KLHL6: variants seen among roughly 807,000 people sequenced by gnomAD.
KLHL6 encodes kelch like family member 6.
A neutral mutation model predicts 58.6 loss-of-function variants in KLHL6; 41 were observed. The observed-to-expected ratio is 0.70, with a 90% CI of 0.55 to 0.91. The LOEUF (loss-of-function observed/expected upper bound fraction) is 0.91, where lower values mean the gene tolerates loss of function less well. Ranked by LOEUF, KLHL6 falls within the 40% of genes least tolerant of loss-of-function variation. The pLI, the probability that KLHL6 is intolerant of heterozygous loss-of-function variation, is 0.00. For synonymous variants in KLHL6, 338 were observed against 322.7 expected, an observed-to-expected ratio of 1.05 and a Z score of -0.51; for missense variants, 714 against 805.6, an observed-to-expected ratio of 0.89 and a Z score of 1.38.
intron 1 of KLHL6, among the ~76,000 whole-genome samples, chr3:183,536,017 G>A (rs11920965): frequency 0.014 from 2,168 of 152,252 alleles, 33 homozygotes; most frequent in African/African-American, 0.05. Flanking sequence ...CTCATGATCT[G>A]CCCCCCTCGG....
At chr3:183,524,590 C>T (rs542291593) in intron 2 of KLHL6, among the ~76,000 whole-genome samples, 40 of 152,286 alleles carry the variant, frequency 2.6e-4, no homozygotes, top group African/African-American at 9.4e-4. Flanking sequence ...CAGCTCATGA[C>T]GTTGCCTGGC....
chr3:183,508,756 A>C (rs1718096297), intron 2 of KLHL6, among the ~76,000 whole-genome samples: 1 of 152,228 alleles, frequency 6.6e-6, no homozygotes, highest in Admixed American at 6.5e-5. Flanking sequence ...GGGAGGAGCT[A>C]AATACATATA....
intron 2 of KLHL6, among the ~76,000 whole-genome samples, chr3:183,524,903 C>A (rs1326098072): frequency 6.6e-6 from 1 of 152,208 alleles, no homozygotes; most frequent in Non-Finnish European, 1.5e-5. Flanking sequence ...CTACCTATAA[C>A]CCTGAGTTAA....
At chr3:183,524,778 C>T (rs1005943966) in intron 2 of KLHL6, among the ~76,000 whole-genome samples, 2 of 152,142 alleles carry the variant, frequency 1.3e-5, no homozygotes, top group African/African-American at 4.8e-5. Context: ...CTGGGTGGGG[C>T]GGGGAGCACT....
chr3:183,527,901 C>T lies in KLHL6; in HGVS notation c.403G>A (p.Ala135Thr). 1 of 1,614,064 alleles carries T rather than the reference C, an allele frequency of 6.2e-7. No homozygotes were observed. The highest frequency in any genetic ancestry group is 8.5e-7 in the Non-Finnish European group (1 of 1,179,992). Residue 135 changes from alanine to threonine, a missense_variant, in exon 2 of 7, where the codon GCG (alanine) becomes ACG (threonine). This residue lies in a region of KLHL6 where 204 missense variants were observed against 175.9 expected (regional missense o/e 1.16). Coordinates refer to ENST00000341319, the MANE Select transcript of KLHL6 (RefSeq NM_130446.4). ...TGGACATTCTGCTTGGTGATCAGCG[C>T]CTTGCTGGTGTACGTGTAGTCCAAC... ...TLLDYTYTSKALITKQNVQRV... is the reference protein window; with the variant it reads ...TLLDYTYTSKTLITKQNVQRV...
At position 183,494,013 on chromosome 3, in the gene KLHL6, A is replaced by C. The variant is rs1201765162; in HGVS notation, c.1350+66T>G. 33 of 1,465,710 alleles carry C rather than the reference A, an allele frequency of 2.3e-5. No individual in the cohort carries two copies. In the Admixed American group the frequency reaches 5.5e-4, roughly 25 times the overall value. The allele number at this position is 1,465,710 out of a possible 1,614,324, so 90.8% of individuals were successfully genotyped here. On this transcript the variant is annotated intron_variant, in intron 5 of 6. Coordinates refer to ENST00000341319, the MANE Select transcript of KLHL6 (RefSeq NM_130446.4). ...CTGACCACCACGGCAGGCACGTTCC[A>C]AAGCTTTTTAAAAAAGCACTGAAGT...
chr3:183,517,755 G>A (rs1343189424), intron 2 of KLHL6, among the ~76,000 whole-genome samples: 1 of 152,192 alleles, frequency 6.6e-6, no homozygotes, highest in Non-Finnish European at 1.5e-5. Flanking sequence ...ATATTCAAGG[G>A]GCAAGTGGCA....
At chr3:183,542,033 G>A (rs1356581125) in intron 1 of KLHL6, among the ~76,000 whole-genome samples, 1 of 152,026 alleles carries the variant, frequency 6.6e-6, no homozygotes. Flanking sequence ...GGGCAGCGCT[G>A]CCTCTCCCTC....
intron 1 of KLHL6, among the ~76,000 whole-genome samples, chr3:183,540,904 G>A (rs1712530170): frequency 6.6e-6 from 1 of 152,172 alleles, no homozygotes; most frequent in Non-Finnish European, 1.5e-5. Context: ...CTCTGGGCCT[G>A]GAGCAGGGTC....
chr3:183,525,269 A>AACACACACACACACAC (rs1553811030), intron 2 of KLHL6, among the ~76,000 whole-genome samples: 2 of 133,792 alleles, frequency 1.5e-5, no homozygotes, highest in African/African-American at 5.5e-5. Context: ...CTAAAAAAAA[A>AACACACACACACACAC]ACACACACAC....
At chr3:183,534,513 C>A (rs1712294599) in intron 1 of KLHL6, among the ~76,000 whole-genome samples, 1 of 152,078 alleles carries the variant, frequency 6.6e-6, no homozygotes, top group Admixed American at 6.5e-5. Context: ...AAGTGATCCT[C>A]CTGTCTCAGC....
At chr3:183,527,419 A>G (rs1191446942) in intron 2 of KLHL6, among the ~76,000 whole-genome samples, 2 of 152,184 alleles carry the variant, frequency 1.3e-5, no homozygotes, top group Non-Finnish European at 2.9e-5. Context: ...AGCCACCCAA[A>G]ACTGAAAGGA....
chr3:183,519,359 C>T (rs960897986), intron 2 of KLHL6, among the ~76,000 whole-genome samples: 9 of 152,158 alleles, frequency 5.9e-5, no homozygotes, highest in South Asian at 2.1e-4. Flanking sequence ...CAGAGAGAGA[C>T]TGATGGGAAC....
intron 1 of KLHL6, among the ~76,000 whole-genome samples, chr3:183,539,994 T>C (rs1413244693): frequency 3.3e-5 from 5 of 152,222 alleles, no homozygotes; most frequent in Non-Finnish European, 7.3e-5. Flanking sequence ...TTAGTGACGA[T>C]ACAGTCACAA....
chr3:183,534,104 T>C (rs1470812770), intron 1 of KLHL6, among the ~76,000 whole-genome samples: 1 of 129,856 alleles, frequency 7.7e-6, no homozygotes, highest in Non-Finnish European at 1.6e-5. Flanking sequence ...TAAAGTACTT[T>C]AAAAGTACTT....
At chr3:183,525,267 A>ACACACACACACACACACACACACAC (rs1553811023) in intron 2 of KLHL6, among the ~76,000 whole-genome samples, 2,136 of 125,266 alleles carry the variant, frequency 0.017, 42 homozygotes, top group Admixed American at 0.022. Flanking sequence ...CTCTAAAAAA[A>ACACACACACACACACACACACACAC]AAACACACAC....
intron 2 of KLHL6, among the ~76,000 whole-genome samples, chr3:183,511,868 T>C (rs1375355498): frequency 2.0e-5 from 3 of 152,164 alleles, no homozygotes; most frequent in African/African-American, 7.2e-5. Flanking sequence ...AAAATGGAGT[T>C]TCTTATGTCT....
In KLHL6 at chr3:183,492,122, G is replaced by C. The variant is rs771158305; in HGVS notation, c.1671C>G (p.Asn557Lys). The change falls in exon 7 of 7, where the codon AAC becomes AAG. Residue 557 changes from asparagine (N) to lysine (K), a missense_variant. Physicochemically the swap from Asn to Lys is moderately conservative, Grantham distance 94. Around this residue, in one of 2 missense-constraint regions of KLHL6, gnomAD observed 510 missense variants for 629.7 expected, o/e 0.81. Transcript: ENST00000341319. This position sits in a 1 kb window ranked among gnomAD's most constrained non-coding sequence, Gnocchi z 5.9. ...GCCCGCCGGTGATGTAGAGCCGGTT[G>C]TTGCAGGGCGCGATACCGCAGCTGG... ...ERASCGIAPCNNRLYITGGRD... is the reference protein window; with the variant it reads ...ERASCGIAPCKNRLYITGGRD... The C allele has an allele frequency of 6.2e-7, 1 of 1,613,856 alleles. No homozygotes were observed. Among genetic ancestry groups the C allele is most frequent in the Admixed American group, 1.7e-5 (1 of 60,034 alleles).
chr3:183,495,326 T>C (rs1412719157), intron 4 of KLHL6, among the ~76,000 whole-genome samples: 2 of 152,194 alleles, frequency 1.3e-5, no homozygotes, highest in Admixed American at 6.5e-5. Context: ...ATTTATTTAT[T>C]TTTTTGAAGT....
Sources: gnomAD v4.1 joint callset for allele counts (sites outside exome capture counted in the v4.1 genomes callset) on GRCh38, gnomAD v4.1.1 for gene constraint, gnomAD v4.1.1 regional missense constraint, Gnocchi (gnomAD v3.1) non-coding constraint, MANE v1.5 for transcripts, NCBI Gene and HGNC (gene_info 2026-07-23, HGNC 2026-07-21) for gene names.